CCDC85A: variants seen among roughly 807,000 people sequenced by gnomAD.
CCDC85A encodes coiled-coil domain containing 85A.
A neutral mutation model predicts 50.2 loss-of-function variants in CCDC85A; 38 were observed. The observed-to-expected ratio is 0.76, with a 90% confidence interval of 0.58 to 0.99. CCDC85A has a LOEUF of 0.99. Among genes scored for constraint, CCDC85A ranks in the 50% least tolerant of loss-of-function variants. The pLI, the probability that CCDC85A is intolerant of heterozygous loss-of-function variation, is 0.00. For missense variants in CCDC85A, 820 were observed against 742.0 expected (o/e 1.11, Z -1.22); for synonymous variants, 366 against 301.4 (o/e 1.21, Z -2.22).
At chr2:56,352,426 A>G (rs1167315205) in intron 3 of CCDC85A, among the ~76,000 whole-genome samples, 1 of 152,046 alleles carries the variant, frequency 6.6e-6, no homozygotes, top group Non-Finnish European at 1.5e-5. Flanking sequence ...GCTCACTGCA[A>G]TCTCCGCCTC....
chr2:56,223,195 A>G (rs1223948584), intron 2 of CCDC85A, among the ~76,000 whole-genome samples: 2 of 152,166 alleles, frequency 1.3e-5, no homozygotes, highest in Non-Finnish European at 2.9e-5. Flanking sequence ...ATTTGGATGC[A>G]TAAATTTTTA....
At chr2:56,297,170 A>G (rs980257343) in intron 2 of CCDC85A, among the ~76,000 whole-genome samples, 1 of 152,164 alleles carries the variant, frequency 6.6e-6, no homozygotes, top group South Asian at 2.1e-4. Flanking sequence ...GTGCATTACA[A>G]ATGCTTCCCA....
intron 2 of CCDC85A, among the ~76,000 whole-genome samples, chr2:56,310,751 T>G (rs1486700864): frequency 2.0e-5 from 3 of 152,098 alleles, no homozygotes; most frequent in African/African-American, 7.2e-5. Context: ...GCACCCAGAA[T>G]TTTTCCAGGA....
chr2:56,285,571 TATA>T (rs1671407161), intron 2 of CCDC85A, among the ~76,000 whole-genome samples: 1 of 147,142 alleles, frequency 6.8e-6, no homozygotes, highest in Admixed American at 6.8e-5. Flanking sequence ...TATAATATAA[TATA>T]ATTAATAATA....
intron 2 of CCDC85A, among the ~76,000 whole-genome samples, chr2:56,299,235 G>A (rs1017105669): frequency 2.0e-5 from 3 of 152,090 alleles, no homozygotes; most frequent in Non-Finnish European, 2.9e-5. Flanking sequence ...TGGTAACTAC[G>A]ATAACTGCAG....
chr2:56,383,905 C>T (rs1291884361), intron 5 of CCDC85A: 1 of 265,364 alleles, frequency 3.8e-6, no homozygotes, highest in Non-Finnish European at 5.8e-6. Context: ...TTGTCCATGC[C>T]TCACTTCTCC....
At chr2:56,311,463 T>C (rs1672688133) in intron 2 of CCDC85A, among the ~76,000 whole-genome samples, 1 of 152,070 alleles carries the variant, frequency 6.6e-6, no homozygotes. Context: ...CGTTGTTTTT[T>C]TTTTTAATTT....
chr2:56,263,134 G>A (rs1670290274), intron 2 of CCDC85A, among the ~76,000 whole-genome samples: 1 of 152,148 alleles, frequency 6.6e-6, no homozygotes, highest in Non-Finnish European at 1.5e-5. Context: ...TGGGCACTGT[G>A]ACATCCTATA....
chr2:56,318,954 T>C (rs993912074), intron 2 of CCDC85A, among the ~76,000 whole-genome samples: 6 of 152,090 alleles, frequency 3.9e-5, no homozygotes, highest in African/African-American at 7.2e-5. Flanking sequence ...CTCTGTGGGC[T>C]GCTATAGGTA....
chr2:56,251,447 G>A (rs1382641435), intron 2 of CCDC85A, among the ~76,000 whole-genome samples: 1 of 152,174 alleles, frequency 6.6e-6, no homozygotes, highest in Non-Finnish European at 1.5e-5. Flanking sequence ...TTGCTGTTTA[G>A]TCTTGACACT....
At chr2:56,356,071 T>C (rs967360366) in intron 3 of CCDC85A, among the ~76,000 whole-genome samples, 1 of 152,206 alleles carries the variant, frequency 6.6e-6, no homozygotes, top group African/African-American at 2.4e-5. Context: ...TGTGATGAAA[T>C]TTAATATCTA....
intron 2 of CCDC85A, among the ~76,000 whole-genome samples, chr2:56,285,493 A>T (rs1404786220): frequency 3.7e-5 from 5 of 133,846 alleles, no homozygotes; most frequent in African/African-American, 1.6e-4. Flanking sequence ...ATATTACATT[A>T]ATAATATTAT....
chr2:56,323,136 G>A (rs1313312163), intron 2 of CCDC85A, among the ~76,000 whole-genome samples: 2 of 152,086 alleles, frequency 1.3e-5, no homozygotes. Flanking sequence ...ACACACCAGG[G>A]CCTGTTGTGG....
chr2:56,325,430 G>T (rs1195553028), intron 2 of CCDC85A, among the ~76,000 whole-genome samples: 3 of 152,102 alleles, frequency 2.0e-5, no homozygotes, highest in Admixed American at 1.3e-4. Context: ...TTAGTGCATT[G>T]AGATATTTGA....
intron 2 of CCDC85A, among the ~76,000 whole-genome samples, chr2:56,314,801 T>G (rs949595265): frequency 6.6e-6 from 1 of 152,158 alleles, no homozygotes; most frequent in African/African-American, 2.4e-5. Context: ...CAACTTTAAC[T>G]TGGTATTTCC....
At position 56,192,886 on chromosome 2, in the gene CCDC85A, C is replaced by A. The variant is rs746024337; in HGVS notation, c.686C>A (p.Ala229Glu). 6.2e-7 allele frequency: 1 copy of A among 1,612,820 alleles called. No homozygotes were observed. Among genetic ancestry groups the A allele is most frequent in the South Asian group, 1.1e-5 (1 of 90,992 alleles). Residue 229 changes from alanine to glutamate, a missense_variant, in exon 2 of 6, where the codon GCG (alanine) becomes GAG (glutamate). Coordinates refer to ENST00000407595, the MANE Select transcript of CCDC85A (RefSeq NM_001080433.2). The surrounding 1 kb of genome is among the most constrained non-coding windows in gnomAD (Gnocchi z 4.7). The part of the protein sequence containing the change: ...TDSPDHHKHH[A>E]SSGSPEHLQK... ...AGCCCGGACCACCACAAGCACCACG[C>A]GAGCAGTGGCAGCCCGGAGCACCTG...
intron 2 of CCDC85A, among the ~76,000 whole-genome samples, chr2:56,266,277 C>G (rs1486688097): frequency 6.6e-6 from 1 of 152,116 alleles, no homozygotes; most frequent in Non-Finnish European, 1.5e-5. Flanking sequence ...GTATTTCAAA[C>G]TAGCTGAAAG....
intron 2 of CCDC85A, among the ~76,000 whole-genome samples, chr2:56,260,876 A>G (rs1670188483): frequency 6.6e-6 from 1 of 152,210 alleles, no homozygotes. Context: ...CTATTGCTTG[A>G]GGGAGTTTAA....
At chr2:56,234,603 T>G (rs891725430) in intron 2 of CCDC85A, among the ~76,000 whole-genome samples, 1 of 152,224 alleles carries the variant, frequency 6.6e-6, no homozygotes, top group Non-Finnish European at 1.5e-5. Flanking sequence ...TTCTCAAATG[T>G]ACCTATTTCA....
Sources: allele counts gnomAD v4.1 joint callset (sites outside exome capture counted in the v4.1 genomes callset), GRCh38; gene constraint gnomAD v4.1.1; non-coding constraint Gnocchi (gnomAD v3.1); transcripts MANE v1.5; gene names NCBI Gene and HGNC (gene_info 2026-07-23, HGNC 2026-07-21).